Variants in BCL11A observed in about 807,000 individuals in gnomAD.
The protein encoded by BCL11A is B cell CLL/lymphoma 11A.
Under a neutral mutation model 55.9 loss-of-function variants are expected in BCL11A, and 2 were observed. That is an observed-to-expected ratio of 0.04 (90% CI 0.01 to 0.11). BCL11A has a LOEUF of 0.11. Ranked by LOEUF, BCL11A falls within the 10% of genes least tolerant of loss-of-function variation. BCL11A has a pLI of 1.00. For synonymous variants in BCL11A, 465 were observed against 473.4 expected, an observed-to-expected ratio of 0.98 and a Z score of 0.23; for missense variants, 817 against 1,137.1, an observed-to-expected ratio of 0.72 and a Z score of 4.05.
intron 2 of BCL11A, among the ~76,000 whole-genome samples, chr2:60,513,467 G>A (rs1323294199): frequency 6.6e-6 from 1 of 152,140 alleles, no homozygotes; most frequent in Non-Finnish European, 1.5e-5. Flanking sequence ...CACCCCATGG[G>A]AACCCCTTTG....
intron 2 of BCL11A, among the ~76,000 whole-genome samples, chr2:60,491,799 G>C (rs1337396312): frequency 1.3e-5 from 2 of 152,150 alleles, no homozygotes; most frequent in East Asian, 1.9e-4. Context: ...CAAGTGGCCA[G>C]GTAGGACCCA....
Position 60,458,268 on chromosome 2 carries a change from A to G in BCL11A, c.*2136T>C, listed in dbSNP as rs1676038587. 1 of 1,023,136 alleles carries G rather than the reference A, an allele frequency of 9.8e-7. No individual in the cohort carries two copies. Among genetic ancestry groups the G allele is most frequent in the South Asian group, 4.6e-5 (1 of 21,548 alleles). The allele number at this position is 1,023,136 out of a possible 1,614,324, so 63.4% of individuals were successfully genotyped here. A position where few individuals can be genotyped will look rare whatever the true frequency, so the allele number is the denominator to read the frequency against. ...CTATATAATCTTAAACCTTTCCCCAATGTATGTTTTTTTTTTTTACAACCT... is the reference window on the plus strand; with the variant it reads ...CTATATAATCTTAAACCTTTCCCCAGTGTATGTTTTTTTTTTTTACAACCT... On this transcript the variant is annotated 3_prime_UTR_variant, in exon 4 of 4. Coordinates refer to ENST00000642384, the MANE Select transcript of BCL11A (RefSeq NM_022893.4).
chr2:60,513,952 T>A (rs1270729534), intron 2 of BCL11A, among the ~76,000 whole-genome samples: 1 of 152,218 alleles, frequency 6.6e-6, no homozygotes, highest in Non-Finnish European at 1.5e-5. Context: ...AGACCTGGAT[T>A]CTAGTTCCAC....
At chr2:60,463,548 C>T (rs746759101) in intron 3 of BCL11A, among the ~76,000 whole-genome samples, 2 of 152,190 alleles carry the variant, frequency 1.3e-5, no homozygotes, top group Non-Finnish European at 2.9e-5. Context: ...GCTTAAGTCA[C>T]ATTATTTCCC....
intron 2 of BCL11A, among the ~76,000 whole-genome samples, chr2:60,491,017 C>A (rs757387385): frequency 6.6e-6 from 1 of 151,998 alleles, no homozygotes; most frequent in Non-Finnish European, 1.5e-5. Context: ...CTTTAAACAG[C>A]CACCCCACAC....
intron 2 of BCL11A, among the ~76,000 whole-genome samples, chr2:60,503,335 T>C (rs1057189337): frequency 1.3e-5 from 2 of 152,154 alleles, no homozygotes; most frequent in Non-Finnish European, 2.9e-5. Context: ...TCTCCAGGCA[T>C]TGTGACTTTT....
At chr2:60,507,117 A>G (rs1015757420) in intron 2 of BCL11A, among the ~76,000 whole-genome samples, 3 of 151,826 alleles carry the variant, frequency 2.0e-5, no homozygotes, top group African/African-American at 4.8e-5. Context: ...ATAAACAAGC[A>G]CTATTAAAAA....
intron 1 of BCL11A, among the ~76,000 whole-genome samples, chr2:60,550,634 G>A (rs1558527618): frequency 6.6e-6 from 1 of 152,194 alleles, no homozygotes; most frequent in South Asian, 2.1e-4. Flanking sequence ...AGGACAGAAA[G>A]AAGTGGCCCC....
chr2:60,467,876 ATGG>A (rs1186597812), intron 3 of BCL11A, among the ~76,000 whole-genome samples: 19 of 30,834 alleles, frequency 6.2e-4, no homozygotes, highest in African/African-American at 2.3e-3. Context: ...ACTGGTGGTG[ATGG>A]TGGTGGTGGT....
chr2:60,471,391 G>A (rs1423377741), intron 2 of BCL11A, among the ~76,000 whole-genome samples: 2 of 152,252 alleles, frequency 1.3e-5, no homozygotes, highest in Admixed American at 6.5e-5. Context: ...GACCCCAGCT[G>A]ATTCTGCTGC....
At chr2:60,471,080 AC>A (rs1189576655) in intron 2 of BCL11A, among the ~76,000 whole-genome samples, 1 of 152,190 alleles carries the variant, frequency 6.6e-6, no homozygotes, top group Non-Finnish European at 1.5e-5. Flanking sequence ...ATTAAGCAGT[AC>A]TTAACCGTCT....
intron 1 of BCL11A, among the ~76,000 whole-genome samples, chr2:60,548,047 G>A (rs1188824465): frequency 2.6e-5 from 4 of 152,140 alleles, no homozygotes; most frequent in African/African-American, 9.7e-5. Flanking sequence ...AATAAAAGAA[G>A]ACAAACAGAA....
chr2:60,496,239 C>T (rs944970331), intron 2 of BCL11A, among the ~76,000 whole-genome samples: 2 of 152,190 alleles, frequency 1.3e-5, no homozygotes, highest in African/African-American at 4.8e-5. Context: ...GTCCAATACA[C>T]GTTTACAGAA....
Position 60,457,847 on chromosome 2 carries a change from T to C in BCL11A, c.*2557A>G. On this transcript the variant is annotated 3_prime_UTR_variant, in exon 4 of 4. Coordinates refer to ENST00000642384, the MANE Select transcript of BCL11A (RefSeq NM_022893.4). ...AGCAGGAAAAAGGAACAAAAAAGGA[T>C]ATGTACAACCCCTATGACAGCCATC... 2.9e-6 allele frequency: 3 copies of C among 1,050,910 alleles called. No individual in the cohort carries two copies. The highest frequency in any genetic ancestry group is 3.4e-6 in the Non-Finnish European group (3 of 870,108). The allele number at this position is 1,050,910 out of a possible 1,614,324, so 65.1% of individuals were successfully genotyped here.
At chr2:60,547,332 A>C (rs1217022757) in intron 1 of BCL11A, among the ~76,000 whole-genome samples, 2 of 152,170 alleles carry the variant, frequency 1.3e-5, no homozygotes, top group African/African-American at 4.8e-5. Flanking sequence ...CTGCACACAT[A>C]ATCACCAGCG....
intron 2 of BCL11A, among the ~76,000 whole-genome samples, chr2:60,538,972 A>T (rs1460469350): frequency 3.9e-5 from 6 of 152,218 alleles, no homozygotes; most frequent in Non-Finnish European, 8.8e-5. Flanking sequence ...ATGCAAAAAA[A>T]TTCTGGTGGT....
intron 2 of BCL11A, among the ~76,000 whole-genome samples, chr2:60,492,728 G>GTC (rs1678713709): frequency 1.3e-5 from 2 of 152,030 alleles, no homozygotes; most frequent in Non-Finnish European, 2.9e-5. Flanking sequence ...CCTGAAAGAC[G>GTC]GCTAGAGTCT....
Position 60,545,760 on chromosome 2 carries a change from C to G in BCL11A, c.385+211G>C, listed in dbSNP as rs1400080459. On this transcript the variant is annotated intron_variant, in intron 2 of 3. Coordinates refer to ENST00000642384, the MANE Select transcript of BCL11A (RefSeq NM_022893.4). ...TGTCTGATGTGTGTACCTATCCTGC[C>G]TACATCTGATTCAGTGAGGTGGAAA... 2.5e-5 allele frequency: 14 copies of G among 567,590 alleles called. No individual in the cohort carries two copies. The South Asian group carries it at 2.7e-4, about 11-fold the overall frequency. 35.2% of individuals were successfully genotyped at this position (567,590 alleles called of 1,614,324 possible).
At chr2:60,506,475 C>A (rs776820331) in intron 2 of BCL11A, among the ~76,000 whole-genome samples, 4 of 152,274 alleles carry the variant, frequency 2.6e-5, no homozygotes, top group Admixed American at 6.5e-5. Context: ...CTCAGACCCT[C>A]CAAGGTGACA....
Sources: allele counts gnomAD v4.1 joint callset (sites outside exome capture counted in the v4.1 genomes callset), GRCh38; gene constraint gnomAD v4.1.1; transcripts MANE v1.5; gene names NCBI Gene and HGNC (gene_info 2026-07-23, HGNC 2026-07-21).